The following LPIN2 variants were observed in gnomAD, a reference collection of about 807,000 sequenced individuals.
The protein encoded by LPIN2 is lipin 2.
A neutral mutation model predicts 111.4 loss-of-function variants in LPIN2; 55 were observed. That is an observed-to-expected ratio of 0.49 (90% confidence interval 0.40 to 0.62). The LOEUF (loss-of-function observed/expected upper bound fraction) is 0.62. Among genes scored for constraint, LPIN2 ranks in the 20% least tolerant of loss-of-function variants. The pLI is 0.00. For synonymous variants in LPIN2, 425 were observed against 414.0 expected (o/e 1.03, Z -0.32); for missense variants, 992 against 1,112.1 (o/e 0.89, Z 1.54).
At chr18:2,992,077 C>T (rs1219307563) in intron 1 of LPIN2, among the ~76,000 whole-genome samples, 1 of 151,930 alleles carries the variant, frequency 6.6e-6, no homozygotes, top group Non-Finnish European at 1.5e-5. Context: ...CAATTTCACT[C>T]CCAGGTACAT....
intron 5 of LPIN2, among the ~76,000 whole-genome samples, 188 bp from the exon 6 acceptor site, chr18:2,939,791 C>A (rs2077343928): frequency 6.6e-6 from 1 of 152,154 alleles, no homozygotes; most frequent in Non-Finnish European, 1.5e-5. Context: ...AAAAATGACA[C>A]CAACTAGTAT....
chr18:2,941,558 G>A (rs1045789376), intron 4 of LPIN2, among the ~76,000 whole-genome samples: 1 of 152,168 alleles, frequency 6.6e-6, no homozygotes, highest in Non-Finnish European at 1.5e-5. Flanking sequence ...CATTTGTCCT[G>A]TCTACTTCAG....
chr18:2,973,112 C>A (rs1435688482), intron 1 of LPIN2, among the ~76,000 whole-genome samples: 1 of 152,096 alleles, frequency 6.6e-6, no homozygotes, highest in Non-Finnish European at 1.5e-5. Flanking sequence ...AAAATTCCAG[C>A]TAAATGTTCA....
intron 1 of LPIN2, among the ~76,000 whole-genome samples, chr18:2,970,001 G>C (rs977991465): frequency 6.6e-6 from 1 of 152,214 alleles, no homozygotes; most frequent in Non-Finnish European, 1.5e-5. Context: ...CAGCTGACCT[G>C]ACTGTTTTAT....
intron 3 of LPIN2, 138 bp from the exon 4 acceptor site, chr18:2,951,494 C>G: frequency 1.3e-6 from 1 of 776,534 alleles, no homozygotes; most frequent in Non-Finnish European, 2.1e-6. Flanking sequence ...GAAAGTCCCA[C>G]TGAACTAAGG....
Position 2,925,941 on chromosome 18 carries a change from G to T in LPIN2, c.1794-573C>A, listed in dbSNP as rs1214282476. On this transcript the variant is annotated intron_variant, in intron 13 of 19. Coordinates refer to ENST00000677752, the MANE Select transcript of LPIN2 (RefSeq NM_001375808.2). This position sits in a 1 kb window ranked among gnomAD's most constrained non-coding sequence, Gnocchi z 4.1. Reference sequence around the variant, plus strand: ...GGACTGCTTGAGCCCAGGAGTTTGAGACCAGCCTGGGCAACACAGCAAGAC... The same window carrying T: ...GGACTGCTTGAGCCCAGGAGTTTGATACCAGCCTGGGCAACACAGCAAGAC... Among the ~76,000 whole-genome samples the T allele has an allele frequency of 2.0e-5, 3 of 152,100 alleles. No homozygotes were observed. The highest frequency in any genetic ancestry group is 7.2e-5 in the African/African-American group (3 of 41,414).
intron 1 of LPIN2, among the ~76,000 whole-genome samples, chr18:2,989,623 A>C (rs1461421694): frequency 2.3e-5 from 2 of 86,000 alleles, no homozygotes; most frequent in Non-Finnish European, 5.3e-5. Flanking sequence ...CAAAACTTTC[A>C]AAGTTACAGT....
intron 15 of LPIN2, among the ~76,000 whole-genome samples, chr18:2,924,134 G>A (rs2077096317): frequency 6.6e-6 from 1 of 152,146 alleles, no homozygotes; most frequent in African/African-American, 2.4e-5. Flanking sequence ...ATGTCAAGGG[G>A]CTTGTTTTCA....
chr18:2,927,257 GAA>G (rs1216788745), intron 12 of LPIN2, among the ~76,000 whole-genome samples: 1 of 152,020 alleles, frequency 6.6e-6, no homozygotes, highest in Non-Finnish European at 1.5e-5. Flanking sequence ...AGGTGTTGGG[GAA>G]AAAAAGACTT....
chr18:2,981,796 T>C (rs1451071573), intron 1 of LPIN2, among the ~76,000 whole-genome samples: 2 of 146,500 alleles, frequency 1.4e-5, no homozygotes, highest in Admixed American at 6.6e-5. Context: ...CAGAGTGTGA[T>C]AACATTTTTA....
chr18:2,963,841 A>T (rs2077748156), intron 1 of LPIN2, among the ~76,000 whole-genome samples: 1 of 117,892 alleles, frequency 8.5e-6, no homozygotes, highest in Non-Finnish European at 2.0e-5. Context: ...ACAAATACCA[A>T]AAATGCTTCT....
At chr18:2,941,011 A>G (rs2077360452) in intron 4 of LPIN2, among the ~76,000 whole-genome samples, 2 of 152,200 alleles carry the variant, frequency 1.3e-5, no homozygotes, top group African/African-American at 4.8e-5. Context: ...CTTTATGTCT[A>G]TTTCATTCAA....
At chr18:2,970,638 A>G (rs928665589) in intron 1 of LPIN2, among the ~76,000 whole-genome samples, 7 of 152,252 alleles carry the variant, frequency 4.6e-5, no homozygotes, top group African/African-American at 1.7e-4. Flanking sequence ...CTGGAGCCCT[A>G]AAACACCCTC....
In LPIN2 at chr18:2,946,197, T is replaced by G. The variant is rs749500989; in HGVS notation, c.590+4858A>C. 2.5e-6 allele frequency: 4 copies of G among 1,608,280 alleles called. No homozygotes were observed. The African/African-American group carries it at 5.4e-5, about 22-fold the overall frequency. ...GATATTTTTAATTCCAAATTTGTCA[T>G]TGGTTCATCTGGGCTTGGTCTTTTT... On this transcript the variant is annotated intron_variant, in intron 4 of 19. Transcript: ENST00000677752.
intron 3 of LPIN2, among the ~76,000 whole-genome samples, chr18:2,952,160 C>A (rs1288204305): frequency 6.6e-6 from 1 of 152,228 alleles, no homozygotes; most frequent in Non-Finnish European, 1.5e-5. Context: ...AACGTGGTGG[C>A]TCACGCCTGC....
intron 1 of LPIN2, among the ~76,000 whole-genome samples, chr18:2,996,661 T>C (rs1217622377): frequency 1.3e-5 from 2 of 151,466 alleles, no homozygotes; most frequent in African/African-American, 4.9e-5. Flanking sequence ...GTATTTTTAG[T>C]AGAGACGGGG....
chr18:2,977,846 G>C (rs1335409893), intron 1 of LPIN2, among the ~76,000 whole-genome samples: 1 of 152,138 alleles, frequency 6.6e-6, no homozygotes, highest in South Asian at 2.1e-4. Flanking sequence ...ATATATCACA[G>C]TATTATTTAT....
At chr18:2,961,760 C>G (rs1275670600) in intron 1 of LPIN2, among the ~76,000 whole-genome samples, 3 of 152,126 alleles carry the variant, frequency 2.0e-5, no homozygotes, top group Admixed American at 1.3e-4. Flanking sequence ...TCATTAGATG[C>G]TGACACCCCT....
At chr18:2,958,510 G>A (rs2032133693) in intron 2 of LPIN2, among the ~76,000 whole-genome samples, 1 of 152,110 alleles carries the variant, frequency 6.6e-6, no homozygotes, top group Non-Finnish European at 1.5e-5. Flanking sequence ...AATAGTTAAT[G>A]CAAATTGCCA....
Sources: allele counts gnomAD v4.1 joint callset (sites outside exome capture counted in the v4.1 genomes callset), GRCh38; gene constraint gnomAD v4.1.1; non-coding constraint Gnocchi (gnomAD v3.1); transcripts MANE v1.5; gene names NCBI Gene and HGNC (gene_info 2026-07-23, HGNC 2026-07-21).